Variants in PARP8 observed in about 807,000 individuals in gnomAD.
PARP8 encodes the protein protein mono-ADP-ribosyltransferase PARP8.
Under a neutral mutation model 124.1 loss-of-function variants are expected in PARP8, and 51 were observed. That is an observed-to-expected ratio of 0.41 (90% CI 0.33 to 0.52). The LOEUF (loss-of-function observed/expected upper bound fraction) is 0.52. Ranked by LOEUF, PARP8 falls within the 20% of genes least tolerant of loss-of-function variation. PARP8 has a pLI of 0.21. For synonymous variants in PARP8, 391 were observed against 361.5 expected, an observed-to-expected ratio of 1.08 and a Z score of -0.93; for missense variants, 860 against 1,018.9, an observed-to-expected ratio of 0.84 and a Z score of 2.12.
At chr5:50,735,595 CT>C (rs1361015544) in intron 2 of PARP8, among the ~76,000 whole-genome samples, 2 of 152,102 alleles carry the variant, frequency 1.3e-5, no homozygotes, top group Non-Finnish European at 2.9e-5. Flanking sequence ...ACATAAAATA[CT>C]TTTTATTCTG....
chr5:50,761,021 A>G (rs997395096), intron 5 of PARP8, among the ~76,000 whole-genome samples: 1 of 152,112 alleles, frequency 6.6e-6, no homozygotes, highest in African/African-American at 2.4e-5. Context: ...GAAACCAGAA[A>G]TGGTTAGAAT....
At position 50,695,778 on chromosome 5, in the gene PARP8, T is replaced by C. The variant is rs531791529; in HGVS notation, c.146+27653T>C. Among the ~76,000 whole-genome samples the C allele has an allele frequency of 2.6e-5, 4 of 152,326 alleles. No homozygotes were observed. In the East Asian group the frequency reaches 7.7e-4, roughly 29 times the overall value. On this transcript the variant is annotated intron_variant, in intron 2 of 25. Transcript: ENST00000281631. ...CTGCAATTTGATTTACATTTGGATA[T>C]GCAAAATTCAAGCTTTAGTGTACCT...
chr5:50,667,907 C>G (rs373725509), intron 1 of PARP8, 164 bp from the exon 2 acceptor site: 24 of 1,500,324 alleles, frequency 1.6e-5, no homozygotes, highest in Admixed American at 9.1e-5. Flanking sequence ...GGGGGCGCGC[C>G]GCATCCCCTC....
intron 2 of PARP8, among the ~76,000 whole-genome samples, chr5:50,683,651 A>G (rs1199430774): frequency 3.9e-5 from 6 of 152,114 alleles, no homozygotes; most frequent in Non-Finnish European, 7.4e-5. Flanking sequence ...TTCTAAATTT[A>G]GAACTACTCT....
At chr5:50,745,917 T>C (rs1561318998) in intron 2 of PARP8, among the ~76,000 whole-genome samples, 1 of 152,178 alleles carries the variant, frequency 6.6e-6, no homozygotes, top group Non-Finnish European at 1.5e-5. Flanking sequence ...GGCACCATTG[T>C]CATGGATATT....
rs1355429554 is a variant in PARP8, at chr5:50,794,327, G to A, written c.858G>A (p.Leu286=). The stretch of plus-strand genomic sequence containing the variant: ...CTCCCCTGCATTTATTTTCTACTTT[G>A]CGCAGGTTGGTAACAGGCAACTTCG... ...VKSPLHLFST[L]RRSPSYPPPG... is the part of the protein sequence containing the mutation. The change falls in exon 11 of 26, where the codon TTG becomes TTA. Residue 286 remains leucine (L), a synonymous_variant. Transcript: ENST00000281631. The A allele has an allele frequency of 1.2e-6, 2 of 1,612,634 alleles. No homozygotes were observed. Among genetic ancestry groups the A allele is most frequent in the Admixed American group, 3.3e-5 (2 of 59,932 alleles).
chr5:50,752,868 A>G (rs533951110), intron 3 of PARP8, among the ~76,000 whole-genome samples: 20 of 152,242 alleles, frequency 1.3e-4, no homozygotes, highest in African/African-American at 4.1e-4. Flanking sequence ...TCAAGATTAC[A>G]TCATTCTAGC....
At chr5:50,693,672 T>C (rs1752726623) in intron 2 of PARP8, among the ~76,000 whole-genome samples, 1 of 151,472 alleles carries the variant, frequency 6.6e-6, no homozygotes, top group African/African-American at 2.4e-5. Context: ...CAGAAATCAA[T>C]CATGTAAATT....
At chr5:50,707,907 G>A (rs1398536233) in intron 2 of PARP8, among the ~76,000 whole-genome samples, 1 of 152,024 alleles carries the variant, frequency 6.6e-6, no homozygotes, top group Non-Finnish European at 1.5e-5. Flanking sequence ...ATATTATTGA[G>A]TATTTATCTT....
chr5:50,738,524 G>T (rs1757702192), intron 2 of PARP8, among the ~76,000 whole-genome samples: 1 of 152,094 alleles, frequency 6.6e-6, no homozygotes, highest in Non-Finnish European at 1.5e-5. Context: ...GCTTATAGAT[G>T]CTTACACTGA....
chr5:50,696,553 C>T (rs934378509), intron 2 of PARP8, among the ~76,000 whole-genome samples: 1 of 152,218 alleles, frequency 6.6e-6, no homozygotes, highest in Non-Finnish European at 1.5e-5. Context: ...CTCTTTCCCT[C>T]TGCAACAGCG....
chr5:50,832,939 A>G, intron 23 of PARP8, 85 bp downstream of exon 23: 2 of 1,247,404 alleles, frequency 1.6e-6, no homozygotes, highest in Non-Finnish European at 2.3e-6. Context: ...AGGCTTTTTA[A>G]GTCTGAAAAA....
chr5:50,689,962 A>G (rs548932735), intron 2 of PARP8, among the ~76,000 whole-genome samples: 1 of 152,336 alleles, frequency 6.6e-6, no homozygotes, highest in South Asian at 2.1e-4. Flanking sequence ...GTTCCTACTC[A>G]ACAGCTAAAG....
At chr5:50,740,817 G>GAA (rs70972942) in intron 2 of PARP8, among the ~76,000 whole-genome samples, 2 of 123,074 alleles carry the variant, frequency 1.6e-5, no homozygotes, top group African/African-American at 5.7e-5. Flanking sequence ...TTTCTCAAAA[G>GAA]AAAAAAAAAA....
intron 2 of PARP8, among the ~76,000 whole-genome samples, chr5:50,741,565 T>C (rs532914055): frequency 3.3e-5 from 5 of 152,308 alleles, no homozygotes; most frequent in African/African-American, 1.2e-4. Context: ...TATTTAAGCG[T>C]AGAAGTTGCT....
intron 2 of PARP8, among the ~76,000 whole-genome samples, chr5:50,738,232 C>A (rs1757673812): frequency 6.6e-6 from 1 of 152,058 alleles, no homozygotes; most frequent in South Asian, 2.1e-4. Context: ...TAGCATGTAA[C>A]CACTAGGGGA....
At chr5:50,793,024 A>G (rs1742137881) in intron 10 of PARP8, among the ~76,000 whole-genome samples, 1 of 152,158 alleles carries the variant, frequency 6.6e-6, no homozygotes, top group African/African-American at 2.4e-5. Flanking sequence ...TTGATAATAT[A>G]CGTACTACTA....
In PARP8 at chr5:50,760,374, A is replaced by G. The variant is rs751598703; in HGVS notation, c.345+12A>G. ...AGGAAAATGGGGAGGTATGTAAATT[A>G]TATTTTTTATTTTCTTGAAACAGTA... On this transcript the variant is annotated intron_variant, in intron 5 of 25. Coordinates refer to ENST00000281631, the MANE Select transcript of PARP8 (RefSeq NM_024615.4). 13 of 1,493,988 alleles carry G rather than the reference A, an allele frequency of 8.7e-6. No homozygotes were observed. Among genetic ancestry groups the G allele is most frequent in the Non-Finnish European group, 1.2e-5 (13 of 1,097,746 alleles). The allele number at this position is 1,493,988 out of a possible 1,614,324, so 92.5% of individuals were successfully genotyped here.
Position 50,667,182 on chromosome 5 carries a change from T to C in PARP8, c.87T>C (p.Phe29=). The change falls in exon 1 of 26, where the codon TTT becomes TTC. Residue 29 remains phenylalanine (F), a synonymous_variant. Transcript: ENST00000281631. Reference sequence around the variant, plus strand: ...CCAGAGCTGAGAAGGACTGCCTGTTTGCAGGTGAGTTCTTGCTTTTCCAGA... The same window carrying C: ...CCAGAGCTGAGAAGGACTGCCTGTTCGCAGGTGAGTTCTTGCTTTTCCAGA... ...QKSRAEKDCL[F]ADFRYSDSTF... 6.3e-7 allele frequency: 1 copy of C among 1,596,372 alleles called. No homozygotes were observed. The highest frequency in any genetic ancestry group is 8.5e-7 in the Non-Finnish European group (1 of 1,179,732).
Sources: gnomAD v4.1 joint callset for allele counts (sites outside exome capture counted in the v4.1 genomes callset) on GRCh38, gnomAD v4.1.1 for gene constraint, MANE v1.5 for transcripts, NCBI Gene and HGNC (gene_info 2026-07-23, HGNC 2026-07-21) for gene names.